PLSCR5: variants seen among roughly 807,000 people sequenced by gnomAD.
PLSCR5 encodes phospholipid scramblase family, member 5.
Under a neutral mutation model 33.6 loss-of-function variants are expected in PLSCR5, and 44 were observed. The ratio of observed to expected loss-of-function variants is 1.31; its 90% CI spans 1.03 to 1.69. PLSCR5 has a LOEUF of 1.69. PLSCR5 is among the 40% of genes most tolerant of loss of function. The pLI is 0.00. For missense variants in PLSCR5, 375 were observed against 318.7 expected (o/e 1.18, Z -1.34); for synonymous variants, 148 against 112.3 (o/e 1.32, Z -2.01).
rs139619919 is a variant in PLSCR5, at chr3:146,580,585, C to T, written c.*45-3860G>A. 8.5e-3 allele frequency among the ~76,000 whole-genome samples: 1,286 copies of T among 151,562 alleles called. 17 individuals carry two copies. The highest frequency in any genetic ancestry group is 0.029 in the African/African-American group (1,203 of 41,258). ...GTTCAAGCAATTCTTCTACCTCAGC[C>T]TCCCGAGTAGCTGGGACTACAGGCC... On this transcript the variant is annotated intron_variant, in intron 7 of 7. Coordinates refer to the PLSCR5 transcript ENST00000482567.
intron 6 of PLSCR5, 135 bp downstream of exon 6, chr3:146,589,518 G>T (rs1273088584): frequency 2.4e-6 from 2 of 836,400 alleles, no homozygotes; most frequent in African/African-American, 3.5e-5. Flanking sequence ...GAAGAACATT[G>T]GTCCTAAGCT....
In PLSCR5 at chr3:146,592,805, C is replaced by G. The variant is rs575465970; in HGVS notation, c.454-924G>C. Among the ~76,000 whole-genome samples the G allele has an allele frequency of 4.8e-4, 73 of 152,016 alleles. 1 individual carries two copies. In the South Asian group the frequency reaches 0.015, roughly 30 times the overall value. On this transcript the variant is annotated intron_variant, in intron 4 of 7. Transcript: ENST00000443512. ...GTAATATATTATGTTTAATTTATGA[C>G]CCTGGACTACCATTAAAGAAAAAGT... is the stretch of plus-strand genomic sequence containing the variant.
Position 146,594,112 on chromosome 3 carries a change from T to G in PLSCR5, c.261A>C (p.Lys87Asn), listed in dbSNP as rs1351288203. ...GMILGTETSN[K>N]YEIKNSLGQR... Reference sequence around the variant, plus strand: ...GTCCCAAGCTGTTTTTAATCTCATATTTGTTGGAGGTCTCAGTACCAAGTA... The same window carrying G: ...GTCCCAAGCTGTTTTTAATCTCATAGTTGTTGGAGGTCTCAGTACCAAGTA... Residue 87 changes from lysine (K) to asparagine (N), a missense_variant, in exon 4 of 8, where the codon AAA becomes AAC. Lys to Asn is a moderately conservative substitution (Grantham distance 94). Coordinates refer to ENST00000443512, the MANE Select transcript of PLSCR5 (RefSeq NM_001085420.2). The G allele has an allele frequency of 6.2e-7, 1 of 1,613,618 alleles. No homozygotes were observed.
In PLSCR5 at chr3:146,595,063, G is replaced by T; in HGVS notation, c.210C>A (p.His70Gln). ...YLSQLDLIIIHQQVELLGMIL... is the reference protein window; with the variant it reads ...YLSQLDLIIIQQQVELLGMIL... ...TACTTCCAAGCAGCTCCACCTGCTG[G>T]TGTATAATTATCAGGTCTAACTGTA... is the stretch of plus-strand genomic sequence containing the variant. The change falls in exon 3 of 8, where the codon CAC (histidine) becomes CAA (glutamine). Residue 70 changes from histidine to glutamine, a missense_variant. Physicochemically the swap from His to Gln is conservative, Grantham distance 24. Transcript: ENST00000443512. 3 of 1,433,062 alleles carry T rather than the reference G, an allele frequency of 2.1e-6. No homozygotes were observed. The highest frequency in any genetic ancestry group is 3.3e-5 in the South Asian group (2 of 61,116). 88.8% of individuals were successfully genotyped at this position (1,433,062 alleles called of 1,614,324 possible).
At position 146,591,748 on chromosome 3, in the gene PLSCR5, CAT is replaced by C. The variant is rs900309160; in HGVS notation, c.585_586del (p.Cys196TrpfsTer9). On this transcript the variant is annotated frameshift_variant, in exon 5 of 8. Transcript: ENST00000443512. LOFTEE classifies it high-confidence loss of function. ...AAAATCCACATCGCCAAAACAGCCA[CAT>C]GTCACACAAGGACCAACAATTTTCA... The C allele has an allele frequency of 4.3e-6, 7 of 1,611,328 alleles. No individual in the cohort carries two copies. The African/African-American group carries it at 8.0e-5, about 18-fold the overall frequency.
chr3:146,588,771 G>A (rs191428153), intron 6 of PLSCR5, among the ~76,000 whole-genome samples: 30 of 151,654 alleles, frequency 2.0e-4, no homozygotes, highest in Non-Finnish European at 3.5e-4. Context: ...ATAGTACTGT[G>A]ATGTGTAAAA....
At chr3:146,596,332 G>A (rs2044760890) in intron 2 of PLSCR5, among the ~76,000 whole-genome samples, 1 of 152,104 alleles carries the variant, frequency 6.6e-6, no homozygotes, top group Non-Finnish European at 1.5e-5. Context: ...GGGATTACAG[G>A]TGCACGCCAC....
downstream of PLSCR5, among the ~76,000 whole-genome samples, chr3:146,582,376 A>G (rs2044637859): frequency 6.6e-6 from 1 of 152,178 alleles, no homozygotes; most frequent in South Asian, 2.1e-4. Flanking sequence ...AGCAATATGG[A>G]GTAACTCAAG....
chr3:146,598,054 T>C (rs2044777029), intron 2 of PLSCR5, among the ~76,000 whole-genome samples: 2 of 152,120 alleles, frequency 1.3e-5, no homozygotes, highest in South Asian at 2.1e-4. Flanking sequence ...TTAATGTACA[T>C]TATATAGCTA....
intron 1 of PLSCR5, among the ~76,000 whole-genome samples, chr3:146,602,297 A>G (rs80049382): frequency 6.9e-4 from 105 of 152,282 alleles, no homozygotes; most frequent in African/African-American, 2.4e-3. Context: ...GGCCATTAAT[A>G]TAACAATAAT....
downstream of PLSCR5, among the ~76,000 whole-genome samples, chr3:146,582,604 G>A (rs342904): frequency 6.6e-6 from 1 of 151,832 alleles, no homozygotes; most frequent in Non-Finnish European, 1.5e-5. Flanking sequence ...TTGGCATGTC[G>A]CCTTCTTGAT....
chr3:146,587,773 A>G (rs2044677434), intron 6 of PLSCR5, among the ~76,000 whole-genome samples: 1 of 152,156 alleles, frequency 6.6e-6, no homozygotes, highest in South Asian at 2.1e-4. Flanking sequence ...TATTACTTCC[A>G]TCTTCTACCA....
At chr3:146,602,194 C>G (rs964637469) in intron 1 of PLSCR5, among the ~76,000 whole-genome samples, 5 of 152,142 alleles carry the variant, frequency 3.3e-5, no homozygotes, top group Non-Finnish European at 5.9e-5. Context: ...AGACCTTCCC[C>G]TGCTCTTGAG....
downstream of PLSCR5, among the ~76,000 whole-genome samples, chr3:146,583,178 C>G (rs769173982): frequency 6.6e-6 from 1 of 152,176 alleles, no homozygotes; most frequent in East Asian, 1.9e-4. Flanking sequence ...TTGTCCCTCT[C>G]CATTAAACAC....
Position 146,577,134 on chromosome 3 carries a change from G to A in PLSCR5, c.*45-409C>T, listed in dbSNP as rs1203437984. 4.6e-5 allele frequency among the ~76,000 whole-genome samples: 7 copies of A among 152,148 alleles called. 1 individual carries two copies. In the South Asian group the frequency reaches 1.5e-3, roughly 32 times the overall value. Reference sequence around the variant, plus strand: ...TAGCCTGGGTTAAAAGTCAACATACGATAAGTTGATTTTTCTACATTTATA... The same window carrying A: ...TAGCCTGGGTTAAAAGTCAACATACAATAAGTTGATTTTTCTACATTTATA... On this transcript the variant is annotated intron_variant, in intron 7 of 7. Transcript: ENST00000482567.
intron 7 of PLSCR5, among the ~76,000 whole-genome samples, chr3:146,577,183 CT>C (rs1479350843): frequency 6.6e-6 from 1 of 152,052 alleles, no homozygotes; most frequent in Non-Finnish European, 1.5e-5. Flanking sequence ...CTTCTGACCC[CT>C]GACCTTAACT....
chr3:146,578,698 A>C (rs343292), intron 7 of PLSCR5, among the ~76,000 whole-genome samples: 60,383 of 151,910 alleles, frequency 0.4, 12,146 homozygotes, highest in East Asian at 0.57. Context: ...GTGTCTCATA[A>C]TGTTCATTAA....
At chr3:146,583,242 T>G (rs944927631), downstream of PLSCR5, among the ~76,000 whole-genome samples, 4 of 152,162 alleles carry the variant, frequency 2.6e-5, no homozygotes, top group Admixed American at 6.5e-5. Flanking sequence ...TTAAAAGCTA[T>G]CTCTTCAACT....
Position 146,585,926 on chromosome 3 carries a change from C to T in PLSCR5, c.*61G>A. 4 of 795,576 alleles carry T rather than the reference C, an allele frequency of 5.0e-6. No individual in the cohort carries two copies. The highest frequency in any genetic ancestry group is 1.9e-5 in the African/African-American group (1 of 53,948). The allele number at this position is 795,576 out of a possible 1,614,324, so 49.3% of individuals were successfully genotyped here. On this transcript the variant is annotated 3_prime_UTR_variant, in exon 8 of 8. Coordinates refer to ENST00000443512, the MANE Select transcript of PLSCR5 (RefSeq NM_001085420.2). ...ATTCAAACCATTCAGAAATGAAATC[C>T]AGAGCCCAAGGGATTTCTAGAAGAA...
Sources: allele counts gnomAD v4.1 joint callset (sites outside exome capture counted in the v4.1 genomes callset), GRCh38; gene constraint gnomAD v4.1.1; transcripts MANE v1.5; gene names NCBI Gene and HGNC (gene_info 2026-07-23, HGNC 2026-07-21).